Variants in CARMIL1 observed in about 807,000 individuals in gnomAD.
CARMIL1 encodes capping protein regulator and myosin 1 linker 1, also known as F-actin-uncapping protein LRRC16A.
A neutral mutation model predicts 177.1 loss-of-function variants in CARMIL1; 90 were observed. The observed-to-expected ratio is 0.51, with a 90% CI of 0.43 to 0.61. CARMIL1 has a LOEUF of 0.61. Ranked by LOEUF, CARMIL1 falls within the 20% of genes least tolerant of loss-of-function variation. The pLI is 0.00. For synonymous variants in CARMIL1, 577 were observed against 606.2 expected, an observed-to-expected ratio of 0.95 and a Z score of 0.71; for missense variants, 1,380 against 1,667.0, an observed-to-expected ratio of 0.83 and a Z score of 3.00.
At chr6:25,586,774 G>A (rs1813760896) in intron 31 of CARMIL1, among the ~76,000 whole-genome samples, 2 of 151,938 alleles carry the variant, frequency 1.3e-5, no homozygotes, top group African/African-American at 2.4e-5. Flanking sequence ...CCAACACGGC[G>A]AAACCCCGTC....
At chr6:25,351,931 C>A (rs1271816116) in intron 2 of CARMIL1, among the ~76,000 whole-genome samples, 1 of 152,044 alleles carries the variant, frequency 6.6e-6, no homozygotes, top group African/African-American at 2.4e-5. Flanking sequence ...GGAAACGGCT[C>A]CTTTTTGCTT....
chr6:25,520,634 G>A (rs766914409), intron 23 of CARMIL1, among the ~76,000 whole-genome samples: 1 of 152,152 alleles, frequency 6.6e-6, no homozygotes, highest in Non-Finnish European at 1.5e-5. Flanking sequence ...GGGGAGAAAT[G>A]TGTGGAACTG....
chr6:25,619,277 C>T (rs552487830), intron 36 of CARMIL1, among the ~76,000 whole-genome samples, 170 bp from the exon 37 acceptor site: 2 of 152,300 alleles, frequency 1.3e-5, no homozygotes, highest in Admixed American at 1.3e-4. Context: ...GTTTGTTTTA[C>T]ATTTCTGTCT....
In CARMIL1 at chr6:25,514,550, CA is replaced by C. The variant is rs66490833; in HGVS notation, c.1633-1107del. Among the ~76,000 whole-genome samples the C allele has an allele frequency of 4.7e-3, 395 of 84,184 alleles. 1 individual carries two copies. Among genetic ancestry groups the C allele is most frequent in the African/African-American group, 0.01 (227 of 22,060 alleles). The allele number at this position is 84,184 out of a possible 152,430, so 55.2% of individuals were successfully genotyped here. ...GGGGGGACAGAGCGAGACCTTGTCT[CA>C]AAAAAAAAAAAAAAAAAGCCACACA... is the stretch of plus-strand genomic sequence containing the variant. On this transcript the variant is annotated intron_variant, in intron 20 of 36. Transcript: ENST00000329474.
intron 2 of CARMIL1, among the ~76,000 whole-genome samples, chr6:25,286,318 A>G (rs189993196): frequency 2.0e-5 from 3 of 152,384 alleles, no homozygotes; most frequent in African/African-American, 7.2e-5. Flanking sequence ...AGTAAGGATT[A>G]TGCTTGTGAT....
At chr6:25,534,328 G>A (rs908260508) in intron 24 of CARMIL1, among the ~76,000 whole-genome samples, 9 of 151,916 alleles carry the variant, frequency 5.9e-5, no homozygotes, top group Admixed American at 2.6e-4. Context: ...CTCTTAGCCT[G>A]CACTGGAGTG....
At chr6:25,454,574 A>G (rs1051263237) in intron 8 of CARMIL1, among the ~76,000 whole-genome samples, 1 of 152,216 alleles carries the variant, frequency 6.6e-6, no homozygotes, top group Non-Finnish European at 1.5e-5. Flanking sequence ...TGATATGTGT[A>G]TAAATATTAC....
In CARMIL1 at chr6:25,488,509, G is replaced by T; in HGVS notation, c.989G>T (p.Ser330Ile). ...GTGAACAGCCTTTCTCAGTCACTCA[G>T]TGCCAATCCATTGACCGCCTCTACC... ...KGVNSLSQSL[S>I]ANPLTASTLV... is the part of the protein sequence containing the mutation. Residue 330 changes from serine to isoleucine, a missense_variant, in exon 13 of 37, where the codon AGT becomes ATT. Physicochemically the swap from Ser to Ile is moderately radical, Grantham distance 142. Transcript: ENST00000329474. The T allele has an allele frequency of 6.2e-7, 1 of 1,613,978 alleles. No individual in the cohort carries two copies. Among genetic ancestry groups the T allele is most frequent in the South Asian group, 1.1e-5 (1 of 91,082 alleles).
intron 2 of CARMIL1, among the ~76,000 whole-genome samples, chr6:25,403,491 A>C (rs922779947): frequency 6.6e-6 from 1 of 151,516 alleles, no homozygotes; most frequent in African/African-American, 2.4e-5. Flanking sequence ...AGCCTCACAG[A>C]CCTCCTGGCT....
At chr6:25,420,083 T>G in intron 2 of CARMIL1, 31 bp from the exon 3 acceptor site, 1 of 1,595,012 alleles carries the variant, frequency 6.3e-7, no homozygotes, top group Non-Finnish European at 8.6e-7. Flanking sequence ...TTTTTGGTGC[T>G]TATACTGATG....
chr6:25,400,084 C>A (rs1793760040), intron 2 of CARMIL1, among the ~76,000 whole-genome samples: 2 of 152,192 alleles, frequency 1.3e-5, no homozygotes, highest in Non-Finnish European at 2.9e-5. Context: ...ATTCACCTTA[C>A]AATTATATCT....
intron 11 of CARMIL1, among the ~76,000 whole-genome samples, chr6:25,475,830 A>C (rs1476238466): frequency 6.6e-6 from 1 of 152,202 alleles, no homozygotes; most frequent in Non-Finnish European, 1.5e-5. Context: ...ACTTGTCACC[A>C]CAGGTGCAGT....
rs552673261 is a variant in CARMIL1, at chr6:25,395,682, T to A, written c.139-24432T>A. 8.5e-5 allele frequency among the ~76,000 whole-genome samples: 13 copies of A among 152,372 alleles called. No individual in the cohort carries two copies. In the South Asian group the frequency reaches 2.7e-3, roughly 32 times the overall value. On this transcript the variant is annotated intron_variant, in intron 2 of 36. Transcript: ENST00000329474. ...TGATTGCTCATATAGTATTGCTCGC[T>A]TTTTGAATCAGTGATCTGCCTAAGC...
chr6:25,502,479 G>A (rs1804486086), intron 17 of CARMIL1, among the ~76,000 whole-genome samples: 1 of 151,698 alleles, frequency 6.6e-6, no homozygotes, highest in Non-Finnish European at 1.5e-5. Flanking sequence ...GCTTGAACCT[G>A]GGAGGCGGAG....
intron 33 of CARMIL1, 146 bp downstream of exon 33, chr6:25,600,892 C>A: frequency 1.3e-6 from 1 of 776,876 alleles, no homozygotes; most frequent in Non-Finnish European, 2.0e-6. Context: ...AAATTACTCT[C>A]TTCTTGCTAT....
Position 25,414,746 on chromosome 6 carries a change from A to G in CARMIL1, c.139-5368A>G, listed in dbSNP as rs189337290. ...GGGTACAGTTTTGGGAAAGCTTGGA[A>G]GATTTCCTCTATTCCAACCCCCATC... On this transcript the variant is annotated intron_variant, in intron 2 of 36. Coordinates refer to ENST00000329474, the MANE Select transcript of CARMIL1 (RefSeq NM_017640.6). Among the ~76,000 whole-genome samples, 7 of 152,258 alleles carry G rather than the reference A, an allele frequency of 4.6e-5. No individual in the cohort carries two copies. The East Asian group carries it at 1.4e-3, about 29-fold the overall frequency.
At chr6:25,458,323 C>T (rs1391723368) in intron 8 of CARMIL1, among the ~76,000 whole-genome samples, 2 of 151,852 alleles carry the variant, frequency 1.3e-5, no homozygotes, top group African/African-American at 4.8e-5. Flanking sequence ...TAATGCTCCA[C>T]TAAAAATACA....
rs868716871 is a variant in CARMIL1 at position 25,339,056 on chromosome 6, A to G, written c.138+54147A>G. 4.6e-5 allele frequency among the ~76,000 whole-genome samples: 7 copies of G among 151,842 alleles called. No homozygotes were observed. In the South Asian group the frequency reaches 1.2e-3, roughly 27 times the overall value. ...TGATTTTTTTTCTTAGTTTGTTCCC[A>G]TTTTTGTCCCCATCAATATAAAATA... On this transcript the variant is annotated intron_variant, in intron 2 of 36. Transcript: ENST00000329474.
intron 24 of CARMIL1, among the ~76,000 whole-genome samples, chr6:25,537,145 T>C (rs1808381176): frequency 6.6e-6 from 1 of 152,198 alleles, no homozygotes; most frequent in Admixed American, 6.5e-5. Flanking sequence ...TGTGTTTATA[T>C]CCGTAAAACA....
Sources: gnomAD v4.1 joint callset for allele counts (sites outside exome capture counted in the v4.1 genomes callset) on GRCh38, gnomAD v4.1.1 for gene constraint, MANE v1.5 for transcripts, NCBI Gene and HGNC (gene_info 2026-07-23, HGNC 2026-07-21) for gene names.